SPMIP2: variants seen among roughly 807,000 people sequenced by gnomAD.
SPMIP2 encodes sperm microtubule inner protein 2.
the SPMIP2 span, chr4:158,915,432 G>A: frequency 7.8e-7 from 1 of 1,281,266 alleles, no homozygotes; most frequent in South Asian, 1.4e-5. Context: ...AGATAGTTGA[G>A]ATTTGTCTGT....
chr4:159,011,569 T>C, the SPMIP2 span, among the ~76,000 whole-genome samples: 2 of 149,410 alleles, frequency 1.3e-5, no homozygotes, highest in African/African-American at 5.0e-5. Context: ...CTGACTAACA[T>C]GGAGAAACCC....
At chr4:158,958,781 C>A in the SPMIP2 span, among the ~76,000 whole-genome samples, 1 of 152,046 alleles carries the variant, frequency 6.6e-6, no homozygotes, top group Non-Finnish European at 1.5e-5. Context: ...AGGGTAGGTG[C>A]TTATAGTCTC....
chr4:159,022,692 G>C, the SPMIP2 span, among the ~76,000 whole-genome samples: 3,620 of 152,274 alleles, frequency 0.024, 90 homozygotes, highest in African/African-American at 0.066. Context: ...CCTAGATACG[G>C]ATTGTGGTTA....
the SPMIP2 span, among the ~76,000 whole-genome samples, chr4:158,972,893 A>T: frequency 6.6e-6 from 1 of 152,228 alleles, no homozygotes; most frequent in Non-Finnish European, 1.5e-5. Flanking sequence ...CCTTCCCTTG[A>T]TGTATTAAAG....
chr4:158,932,774 T>C, the SPMIP2 span, among the ~76,000 whole-genome samples: 1 of 152,332 alleles, frequency 6.6e-6, no homozygotes, highest in East Asian at 1.9e-4. Context: ...TTCAAATCTG[T>C]GTTCAACTTC....
the SPMIP2 span, among the ~76,000 whole-genome samples, chr4:159,051,931 T>C: frequency 2.6e-5 from 4 of 151,976 alleles, no homozygotes; most frequent in African/African-American, 9.7e-5. Context: ...TTCACAGGCA[T>C]CTCCCCCTCC....
the SPMIP2 span, among the ~76,000 whole-genome samples, chr4:159,000,358 C>T: frequency 2.1e-3 from 316 of 152,276 alleles, no homozygotes; most frequent in African/African-American, 6.3e-3. Context: ...AAGAACTTAT[C>T]TGTCATTTTT....
At chr4:159,037,832 A>G in the SPMIP2 span, among the ~76,000 whole-genome samples, 1 of 150,938 alleles carries the variant, frequency 6.6e-6, no homozygotes, top group Non-Finnish European at 1.5e-5. Context: ...ACACACATAT[A>G]TATATGTATG....
the SPMIP2 span, among the ~76,000 whole-genome samples, chr4:159,024,460 G>A: frequency 6.6e-6 from 1 of 152,118 alleles, no homozygotes; most frequent in Non-Finnish European, 1.5e-5. Context: ...TACACAGCAG[G>A]GGTCAAGGGT....
chr4:158,961,230 G>A, the SPMIP2 span, among the ~76,000 whole-genome samples: 639 of 152,178 alleles, frequency 4.2e-3, 5 homozygotes, highest in African/African-American at 0.014. Flanking sequence ...AAGGAATGAT[G>A]TTACTTAGTA....
chr4:158,899,011 C>T, the SPMIP2 span, among the ~76,000 whole-genome samples: 14 of 152,250 alleles, frequency 9.2e-5, no homozygotes, highest in Admixed American at 5.9e-4. Flanking sequence ...TTTTGGGATA[C>T]GTTCCCTCAA....
At chr4:158,956,939 A>T in the SPMIP2 span, among the ~76,000 whole-genome samples, 2 of 151,746 alleles carry the variant, frequency 1.3e-5, no homozygotes, top group Non-Finnish European at 2.9e-5. Flanking sequence ...TTATTTATTT[A>T]TTTTTTTCTT....
chr4:159,069,159 C>T, the SPMIP2 span, among the ~76,000 whole-genome samples: 2 of 152,012 alleles, frequency 1.3e-5, no homozygotes, highest in Admixed American at 6.5e-5. Context: ...AAAAATTAGC[C>T]AGGCGTGGTG....
At chr4:159,051,157 C>A in the SPMIP2 span, among the ~76,000 whole-genome samples, 1 of 151,604 alleles carries the variant, frequency 6.6e-6, no homozygotes, top group Non-Finnish European at 1.5e-5. Flanking sequence ...AAGTGCTATT[C>A]TTTGCATTTT....
At chr4:158,913,243 G>A in the SPMIP2 span, among the ~76,000 whole-genome samples, 1 of 152,062 alleles carries the variant, frequency 6.6e-6, no homozygotes, top group Non-Finnish European at 1.5e-5. Context: ...TATTTTTTAA[G>A]ACAGTCAGGC....
At chr4:158,938,950 G>C in the SPMIP2 span, among the ~76,000 whole-genome samples, 1 of 152,084 alleles carries the variant, frequency 6.6e-6, no homozygotes, top group East Asian at 1.9e-4. Context: ...TATAATTCCC[G>C]GTGTTCCCAG....
the SPMIP2 span, among the ~76,000 whole-genome samples, chr4:158,935,186 A>T: frequency 6.6e-6 from 1 of 152,208 alleles, no homozygotes; most frequent in African/African-American, 2.4e-5. Flanking sequence ...CCCTTAAGAC[A>T]TCATGATGGT....
At chr4:158,918,893 G>A in the SPMIP2 span, among the ~76,000 whole-genome samples, 1 of 152,268 alleles carries the variant, frequency 6.6e-6, no homozygotes, top group East Asian at 1.9e-4. Flanking sequence ...GCAAACACAC[G>A]CATGCCCCAC....
chr4:158,927,198 A>T, the SPMIP2 span, among the ~76,000 whole-genome samples: 11 of 152,162 alleles, frequency 7.2e-5, no homozygotes, highest in East Asian at 1.3e-3. Flanking sequence ...CCTCTTTTTT[A>T]AAAAATATAT....
Sources: allele counts gnomAD v4.1 joint callset (sites outside exome capture counted in the v4.1 genomes callset), GRCh38; gene constraint gnomAD v4.1.1; transcripts MANE v1.5; gene names NCBI Gene and HGNC (gene_info 2026-07-23, HGNC 2026-07-21).